LDHA: variants seen among roughly 807,000 people sequenced by gnomAD.
The protein encoded by LDHA is lactate dehydrogenase A.
A neutral mutation model predicts 36.3 loss-of-function variants in LDHA; 10 were observed. The ratio of observed to expected loss-of-function variants is 0.28; its 90% CI spans 0.17 to 0.47. The LOEUF (loss-of-function observed/expected upper bound fraction) is 0.47. Among genes scored for constraint, LDHA ranks in the 20% least tolerant of loss-of-function variants. LDHA has a pLI of 0.99. For synonymous variants in LDHA, 110 were observed against 136.7 expected, an observed-to-expected ratio of 0.80 and a Z score of 1.36; for missense variants, 267 against 405.8, an observed-to-expected ratio of 0.66 and a Z score of 2.94.
chr11:18,401,022 G>A lies in LDHA; in HGVS notation c.418+12G>A. On this transcript the variant is annotated intron_variant, in intron 4 of 7. Transcript: ENST00000422447. ...TGTTTCAAATCCAGGTGAGGCTTTT[G>A]ACTGCATAAAAATTGACAAGCTATA... The A allele has an allele frequency of 6.2e-7, 1 of 1,603,998 alleles. No individual in the cohort carries two copies. Among genetic ancestry groups the A allele is most frequent in the Admixed American group, 1.7e-5 (1 of 59,792 alleles).
intron 2 of LDHA, among the ~76,000 whole-genome samples, chr11:18,397,760 G>C (rs924413783): frequency 1.3e-5 from 2 of 151,928 alleles, no homozygotes; most frequent in Non-Finnish European, 2.9e-5. Flanking sequence ...GCAGTGACCC[G>C]AGATAGCACC....
chr11:18,399,071 C>A lies in LDHA; in HGVS notation c.127-360C>A, dbSNP rs562600057. On this transcript the variant is annotated intron_variant, in intron 2 of 7. Coordinates refer to ENST00000422447, the MANE Select transcript of LDHA (RefSeq NM_005566.4). ...CAATATCACCTAGTTAAATGAATAACAACCTAAAATTGGTGTGTAGGATGG... is the reference window on the plus strand; with the variant it reads ...CAATATCACCTAGTTAAATGAATAAAAACCTAAAATTGGTGTGTAGGATGG... 34 of 274,588 alleles carry A rather than the reference C, an allele frequency of 1.2e-4. 1 individual carries two copies. In the South Asian group the frequency reaches 1.3e-3, roughly 11 times the overall value. 17.0% of individuals were successfully genotyped at this position (274,588 alleles called of 1,614,324 possible). A position where few individuals can be genotyped will look rare whatever the true frequency, so the allele number is the denominator to read the frequency against.
At chr11:18,405,194 A>G (rs2134032212) in intron 6 of LDHA, among the ~76,000 whole-genome samples, 1 of 152,304 alleles carries the variant, frequency 6.6e-6, no homozygotes, top group East Asian at 1.9e-4. Context: ...CCATTGTATC[A>G]GTATACCATG....
intron 4 of LDHA, among the ~76,000 whole-genome samples, chr11:18,401,488 T>TTTTTC (rs1175802421): frequency 8.5e-6 from 1 of 117,918 alleles, no homozygotes; most frequent in Non-Finnish European, 1.8e-5. Flanking sequence ...TTTTTTTTTT[T>TTTTTC]TTTTTTTGAG....
At position 18,400,984 on chromosome 11, in the gene LDHA, G is replaced by A; in HGVS notation, c.392G>A (p.Cys131Tyr). Reference sequence around the variant, plus strand: ...AATGTTGTAAAATACAGCCCGAACTGCAAGTTGCTTATTGTTTCAAATCCA... The same window carrying A: ...AATGTTGTAAAATACAGCCCGAACTACAAGTTGCTTATTGTTTCAAATCCA... Reference protein sequence around the residue: ...IPNVVKYSPNCKLLIVSNPVD... With the variant: ...IPNVVKYSPNYKLLIVSNPVD... The change falls in exon 4 of 8, where the codon TGC becomes TAC. Residue 131 changes from cysteine (C) to tyrosine (Y), a missense_variant. Transcript: ENST00000422447. The A allele has an allele frequency of 6.2e-7, 1 of 1,613,024 alleles. No individual in the cohort carries two copies. The highest frequency in any genetic ancestry group is 8.5e-7 in the Non-Finnish European group (1 of 1,179,584).
rs574634909 is a variant in LDHA, at chr11:18,406,355, T to C, written c.835-762T>C. On this transcript the variant is annotated intron_variant, in intron 7 of 7. Transcript: ENST00000422447. ...CTTTGGAAGGCCAAGGGCAGGAGAA[T>C]TGCTTGAGCCCAGGTGTTTGAGACC... is the stretch of plus-strand genomic sequence containing the variant. Among the ~76,000 whole-genome samples, 3 of 149,622 alleles carry C rather than the reference T, an allele frequency of 2.0e-5. No individual in the cohort carries two copies. In the South Asian group the frequency reaches 6.4e-4, roughly 32 times the overall value.
At position 18,405,455 on chromosome 11, in the gene LDHA, T is replaced by C. The variant is rs758175888; in HGVS notation, c.717T>C (p.Tyr239=). 1 of 1,613,222 alleles carries C rather than the reference T, an allele frequency of 6.2e-7. No individual in the cohort carries two copies. The highest frequency in any genetic ancestry group is 1.3e-5 in the African/African-American group (1 of 74,902). The change falls in exon 7 of 8, where the codon TAT becomes TAC. Residue 239 remains tyrosine (Y), a synonymous_variant. Transcript: ENST00000422447. ...ATGGTTTCCTATCATACAGTGCTTATGAGGTGATCAAACTCAAAGGCTACA... is the reference window on the plus strand; with the variant it reads ...ATGGTTTCCTATCATACAGTGCTTACGAGGTGATCAAACTCAAAGGCTACA... ...EVHKQVVESA[Y]EVIKLKGYTS... is the part of the protein sequence containing the mutation.
At chr11:18,404,149 AAG>A (rs1866593976) in intron 6 of LDHA, among the ~76,000 whole-genome samples, 1 of 151,798 alleles carries the variant, frequency 6.6e-6, no homozygotes. Flanking sequence ...CCAAAAAAAA[AAG>A]AATGTGCCTC....
rs1434645889 is a variant in LDHA, at chr11:18,408,416, G to A, written c.*1135G>A. On this transcript the variant is annotated 3_prime_UTR_variant, in exon 8 of 8. Coordinates refer to ENST00000422447, the MANE Select transcript of LDHA (RefSeq NM_005566.4). ...TGCACATTTTTCTGAAAATACAACTGTGACCCTTATCCAGGCCTGAAAACC... is the reference window on the plus strand; with the variant it reads ...TGCACATTTTTCTGAAAATACAACTATGACCCTTATCCAGGCCTGAAAACC... The A allele has an allele frequency of 5.8e-6, 2 of 342,210 alleles. No individual in the cohort carries two copies. The highest frequency in any genetic ancestry group is 4.3e-5 in the African/African-American group (2 of 46,550). The allele number at this position is 342,210 out of a possible 1,614,324, so 21.2% of individuals were successfully genotyped here.
chr11:18,402,383 T>C (rs1226612684), intron 4 of LDHA, among the ~76,000 whole-genome samples: 1 of 152,166 alleles, frequency 6.6e-6, no homozygotes, highest in Non-Finnish European at 1.5e-5. Context: ...AGCTTTGACC[T>C]ACTAGGCTCA....
Position 18,406,414 on chromosome 11 carries a change from TAAAAAAAAAAAAA to T in LDHA, c.835-694_835-682del, listed in dbSNP as rs532942664. 6.7e-3 allele frequency among the ~76,000 whole-genome samples: 650 copies of T among 97,190 alleles called. 6 individuals are homozygous for T. Among genetic ancestry groups the T allele is most frequent in the Admixed American group, 0.012 (86 of 7,030 alleles). The allele number at this position is 97,190 out of a possible 152,430, so 63.8% of individuals were successfully genotyped here. A position where few individuals can be genotyped will look rare whatever the true frequency, so the allele number is the denominator to read the frequency against. Reference sequence around the variant, plus strand: ...CAGTATAGTGAGATCTTGCCTCTGTTAAAAAAAAAAAAAAAAAAAAAGGCCATGTGCGGGCAGC... The same window carrying T: ...CAGTATAGTGAGATCTTGCCTCTGTTAAAAAAAAGGCCATGTGCGGGCAGC... On this transcript the variant is annotated intron_variant, in intron 7 of 7. Transcript: ENST00000422447.
chr11:18,399,667 G>T (rs537881978), intron 3 of LDHA, 119 bp downstream of exon 3: 1 of 779,832 alleles, frequency 1.3e-6, no homozygotes, highest in Non-Finnish European at 2.3e-6. Flanking sequence ...CCACAGCCTC[G>T]AACCCTGGGC....
intron 2 of LDHA, chr11:18,398,554 T>A (rs1365329534): frequency 6.8e-6 from 1 of 146,350 alleles, no homozygotes; most frequent in Non-Finnish European, 1.5e-5. Context: ...CCTGGCTGAT[T>A]TTTGTATTTT....
Position 18,400,925 on chromosome 11 carries a change from G to A in LDHA, c.333G>A (p.Gln111=). The A allele has an allele frequency of 6.2e-7, 1 of 1,613,236 alleles. No homozygotes were observed. Among genetic ancestry groups the A allele is most frequent in the Non-Finnish European group, 8.5e-7 (1 of 1,179,382 alleles). ...GAGAAAGCCGTCTTAATTTGGTCCA[G>A]CGTAACGTGAACATCTTTAAATTCA... ...QEGESRLNLV[Q]RNVNIFKFII... The change falls in exon 4 of 8, where the codon CAG becomes CAA. Residue 111 remains glutamine, a synonymous_variant. Transcript: ENST00000422447.
At chr11:18,399,685 ATCC>A (rs1198195067) in intron 3 of LDHA, 137 bp downstream of exon 3, 7 of 727,890 alleles carry the variant, frequency 9.6e-6, no homozygotes, top group African/African-American at 8.7e-5. Flanking sequence ...GGCTCAAGCA[ATCC>A]TCCTTCCACT....
Position 18,403,819 on chromosome 11 carries a change from A to G in LDHA, c.710+8A>G. On this transcript the variant is annotated splice_region_variant and intron_variant, in intron 6 of 7. Coordinates refer to ENST00000422447, the MANE Select transcript of LDHA (RefSeq NM_005566.4). ...CAAGCAGGTGGTTGAGAGGTAATAAATCTTTCAATTTGGCAACACAGAATA... is the reference window on the plus strand; with the variant it reads ...CAAGCAGGTGGTTGAGAGGTAATAAGTCTTTCAATTTGGCAACACAGAATA... The G allele has an allele frequency of 7.0e-7, 1 of 1,424,712 alleles. No individual in the cohort carries two copies. The highest frequency in any genetic ancestry group is 1.1e-5 in the South Asian group (1 of 87,066). The allele number at this position is 1,424,712 out of a possible 1,614,324, so 88.3% of individuals were successfully genotyped here.
rs1433609075 is a variant in LDHA, at chr11:18,407,549, C to A, written c.*268C>A. The stretch of plus-strand genomic sequence containing the variant: ...CACCTCTGACGCACCACTGCCAATG[C>A]TGTACGTACTGCATTTGCCCCTTGA... On this transcript the variant is annotated 3_prime_UTR_variant, in exon 8 of 8. Coordinates refer to ENST00000422447, the MANE Select transcript of LDHA (RefSeq NM_005566.4). 2.8e-6 allele frequency: 2 copies of A among 722,204 alleles called. No homozygotes were observed. The highest frequency in any genetic ancestry group is 4.0e-5 in the Admixed American group (2 of 49,772). The allele number at this position is 722,204 out of a possible 1,614,324, so 44.7% of individuals were successfully genotyped here.
chr11:18,400,082 G>A (rs1312896621), intron 3 of LDHA: 1 of 184,242 alleles, frequency 5.4e-6, no homozygotes, highest in Non-Finnish European at 1.2e-5. Flanking sequence ...GAATTAGAAT[G>A]TAATGAGTAA....
chr11:18,397,625 C>CA (rs1157603191), intron 2 of LDHA, among the ~76,000 whole-genome samples: 1 of 152,046 alleles, frequency 6.6e-6, no homozygotes, highest in Non-Finnish European at 1.5e-5. Context: ...TCCTGGCTAA[C>CA]ACGATGAAAC....
Sources: allele counts gnomAD v4.1 joint callset (sites outside exome capture counted in the v4.1 genomes callset), GRCh38; gene constraint gnomAD v4.1.1; transcripts MANE v1.5; gene names NCBI Gene and HGNC (gene_info 2026-07-23, HGNC 2026-07-21).